The following APPL2 variants were observed in gnomAD, a reference collection of about 807,000 sequenced individuals.
APPL2 encodes the protein adaptor protein, phosphotyrosine interacting with PH domain and leucine zipper 2.
In APPL2, 84 loss-of-function variants were observed where a neutral mutation model predicts 92.7. The observed-to-expected ratio is 0.91, with a 90% CI of 0.76 to 1.09. The LOEUF is 1.09. Among genes scored for constraint, APPL2 ranks in the 50% least tolerant of loss-of-function variants. The pLI, the probability that APPL2 is intolerant of heterozygous loss-of-function variation, is 0.00. For missense variants in APPL2, 736 were observed against 824.5 expected, an observed-to-expected ratio of 0.89 and a Z score of 1.31; for synonymous variants, 291 against 291.0, an observed-to-expected ratio of 1.00 and a Z score of 0.00.
chr12:105,195,450 G>T lies in APPL2; in HGVS notation c.1147C>A (p.Pro383Thr). ...ISRQIYLTDN[P>T]EAVAIKLNQT... The stretch of plus-strand genomic sequence containing the variant: ...TGCCGGTGGCTGATAATTACCTCAG[G>T]GTTGTCGGTCAGGTAGATCTGTCTG... The change falls in exon 13 of 21, where the codon CCT (proline) becomes ACT (threonine). Residue 383 changes from proline to threonine, a missense_variant. Pro to Thr is a conservative substitution (Grantham distance 38, BLOSUM62 -1). Transcript: ENST00000258530. 6.2e-7 allele frequency: 1 copy of T among 1,614,094 alleles called. No individual in the cohort carries two copies. The highest frequency in any genetic ancestry group is 8.5e-7 in the Non-Finnish European group (1 of 1,180,024).
intron 14 of APPL2, among the ~76,000 whole-genome samples, chr12:105,193,522 C>T (rs1286401972): frequency 2.6e-5 from 4 of 152,212 alleles, no homozygotes; most frequent in Admixed American, 1.3e-4. Flanking sequence ...ATTTTTGTAA[C>T]TTTACAAAGA....
chr12:105,233,075 A>G, intron 1 of APPL2: 1 of 985,180 alleles, frequency 1.0e-6, no homozygotes, highest in Non-Finnish European at 1.2e-6. Flanking sequence ...CCTTACCTCA[A>G]AAGTGTACTA....
At chr12:105,205,896 A>T (rs1394315774) in intron 8 of APPL2, among the ~76,000 whole-genome samples, 1 of 152,234 alleles carries the variant, frequency 6.6e-6, no homozygotes, top group Non-Finnish European at 1.5e-5. Flanking sequence ...CTGAGGACTG[A>T]TGCCGCCCAC....
intron 19 of APPL2, 95 bp downstream of exon 19, chr12:105,176,781 T>C: frequency 2.7e-6 from 4 of 1,463,316 alleles, no homozygotes; most frequent in Non-Finnish European, 3.7e-6. Context: ...TGCAGAATAA[T>C]CAACTAAATA....
At chr12:105,224,282 G>A (rs1380448868) in intron 2 of APPL2, among the ~76,000 whole-genome samples, 2 of 152,166 alleles carry the variant, frequency 1.3e-5, no homozygotes, top group Non-Finnish European at 2.9e-5. Context: ...AAAACACACT[G>A]ATTAGAACAT....
intron 11 of APPL2, among the ~76,000 whole-genome samples, chr12:105,196,667 C>T (rs1298439963): frequency 6.6e-6 from 1 of 152,078 alleles, no homozygotes. Context: ...TCTCAAACTC[C>T]CAACCTCAGG....
At chr12:105,177,080 C>T (rs892602312) in intron 18 of APPL2, 64 bp from the exon 19 acceptor site, 3 of 1,609,146 alleles carry the variant, frequency 1.9e-6, no homozygotes, top group Admixed American at 3.4e-5. Context: ...GACAAGGCTA[C>T]TCTCTGGAAA....
In APPL2 at chr12:105,217,728, G is replaced by T. The variant is rs371785060; in HGVS notation, c.154-3C>A. 3 of 1,613,336 alleles carry T rather than the reference G, an allele frequency of 1.9e-6. No individual in the cohort carries two copies. The highest frequency in any genetic ancestry group is 1.3e-5 in the African/African-American group (1 of 74,898). On this transcript the variant is annotated splice_polypyrimidine_tract_variant and splice_region_variant and intron_variant, in intron 2 of 20. Coordinates refer to ENST00000258530, the MANE Select transcript of APPL2 (RefSeq NM_018171.5). ...TGTGTGGCCAGGCACATCTCATTCT[G>T]TGGAGAGAAGAGAAAAAGCAAGTAA...
In APPL2 at chr12:105,229,459, A is replaced by G. The variant is rs144292017; in HGVS notation, c.55-236T>C. ...AGTGTCAGGGCAATTTCAGAATTGG[A>G]GCCAGAAAAGCCAGTTTTTAAAAGA... On this transcript the variant is annotated intron_variant, in intron 1 of 20. Coordinates refer to ENST00000258530, the MANE Select transcript of APPL2 (RefSeq NM_018171.5). 4.0e-3 allele frequency among the ~76,000 whole-genome samples: 607 copies of G among 152,288 alleles called. 6 individuals carry two copies. The highest frequency in any genetic ancestry group is 0.013 in the African/African-American group (554 of 41,546).
At chr12:105,175,952 C>T (rs1885498699) in intron 20 of APPL2, 83 bp downstream of exon 20, 2 of 1,348,832 alleles carry the variant, frequency 1.5e-6, no homozygotes, top group Non-Finnish European at 2.0e-6. Flanking sequence ...GTGAACATCA[C>T]TTTTCTTTTT....
chr12:105,200,537 T>A (rs1888070040), intron 9 of APPL2, among the ~76,000 whole-genome samples: 1 of 152,182 alleles, frequency 6.6e-6, no homozygotes, highest in Admixed American at 6.5e-5. Flanking sequence ...GTGGAAATGG[T>A]GGCTGCCCTT....
At chr12:105,212,563 G>C (rs1457735251) in intron 4 of APPL2, among the ~76,000 whole-genome samples, 1 of 152,222 alleles carries the variant, frequency 6.6e-6, no homozygotes, top group Non-Finnish European at 1.5e-5. Flanking sequence ...CTGGGATACA[G>C]AATTTGTCCT....
chr12:105,207,998 C>G lies in APPL2; in HGVS notation c.447G>C (p.Arg149Ser), dbSNP rs781025992. The change falls in exon 7 of 21, where the codon AGG becomes AGC. Residue 149 changes from arginine to serine, a missense_variant. Physicochemically the swap from Arg to Ser is moderately radical, Grantham distance 110. Coordinates refer to ENST00000258530, the MANE Select transcript of APPL2 (RefSeq NM_018171.5). ...TCTCATTCTCCTTTTTCTTAGGCAG[C>G]CTGCTGTATTTTGCCATTGAGAGGT... ...EHDLSMAKYS[R>S]LPKKKENEKV... is the part of the protein sequence containing the mutation. 6.2e-7 allele frequency: 1 copy of G among 1,614,054 alleles called. No homozygotes were observed. Among genetic ancestry groups the G allele is most frequent in the South Asian group, 1.1e-5 (1 of 91,074 alleles).
intron 9 of APPL2, among the ~76,000 whole-genome samples, chr12:105,199,949 GCTGGGACTACCGGCGCTCGC>G (rs1333282972): frequency 2.0e-5 from 3 of 151,672 alleles, no homozygotes; most frequent in Non-Finnish European, 4.4e-5. Flanking sequence ...CTCTCGAGTA[GCTGGGACTACCGGCGCTCGC>G]CACCATGCCC....
chr12:105,223,296 A>T (rs1890254603), intron 2 of APPL2, among the ~76,000 whole-genome samples: 1 of 152,250 alleles, frequency 6.6e-6, no homozygotes, highest in Non-Finnish European at 1.5e-5. Context: ...ATAAAGACCC[A>T]GAGTCTGGAA....
At chr12:105,224,952 ATAC>A (rs1490371598) in intron 2 of APPL2, among the ~76,000 whole-genome samples, 1 of 152,152 alleles carries the variant, frequency 6.6e-6, no homozygotes, top group East Asian at 1.9e-4. Context: ...ATTTGAGAAA[ATAC>A]TACTTCCACC....
At chr12:105,218,186 T>C (rs1330453310) in intron 2 of APPL2, among the ~76,000 whole-genome samples, 1 of 152,166 alleles carries the variant, frequency 6.6e-6, no homozygotes, top group Non-Finnish European at 1.5e-5. Context: ...AAAGCATATG[T>C]GTGTGCCTGT....
chr12:105,230,546 AACTC>A (rs1890848419), intron 1 of APPL2, among the ~76,000 whole-genome samples: 1 of 152,236 alleles, frequency 6.6e-6, no homozygotes, highest in African/African-American at 2.4e-5. Flanking sequence ...TACCAAATAC[AACTC>A]ACTAAGGCTC....
At chr12:105,218,679 C>G (rs1889879844) in intron 2 of APPL2, among the ~76,000 whole-genome samples, 1 of 152,174 alleles carries the variant, frequency 6.6e-6, no homozygotes. Flanking sequence ...TGTGCAGGCC[C>G]CCGGGGCCCA....
Sources: gnomAD v4.1 joint callset for allele counts (sites outside exome capture counted in the v4.1 genomes callset) on GRCh38, gnomAD v4.1.1 for gene constraint, MANE v1.5 for transcripts, NCBI Gene and HGNC (gene_info 2026-07-23, HGNC 2026-07-21) for gene names.